Variants in FBN1 observed in about 807,000 individuals in gnomAD.
FBN1 encodes fibrillin-1.
Under a neutral mutation model 365.1 loss-of-function variants are expected in FBN1, and 29 were observed. The observed-to-expected ratio is 0.08, with a 90% CI of 0.06 to 0.11. The LOEUF is 0.11. Among genes scored for constraint, FBN1 ranks in the 10% least tolerant of loss-of-function variants. FBN1 has a pLI of 1.00. For synonymous variants in FBN1, 1,210 were observed against 1,270.5 expected, an observed-to-expected ratio of 0.95 and a Z score of 1.01; for missense variants, 2,476 against 3,703.2, an observed-to-expected ratio of 0.67 and a Z score of 8.60.
intron 8 of FBN1, 100 bp downstream of exon 8, chr15:48,533,976 AAGAC>A (rs2043992703): frequency 2.1e-5 from 32 of 1,490,960 alleles, no homozygotes; most frequent in African/African-American, 2.8e-5. Context: ...AGGGATGACA[AAGAC>A]AGAAGGATTT....
At chr15:48,549,666 A>G (rs2044125653) in intron 6 of FBN1, among the ~76,000 whole-genome samples, 1 of 152,200 alleles carries the variant, frequency 6.6e-6, no homozygotes, top group Non-Finnish European at 1.5e-5. Context: ...CAAATTCTTA[A>G]AAGTGTCCAT....
At chr15:48,421,342 G>C (rs1002148359) in intron 62 of FBN1, among the ~76,000 whole-genome samples, 4 of 150,462 alleles carry the variant, frequency 2.7e-5, no homozygotes, top group African/African-American at 9.8e-5. Context: ...AAAAAGTCTT[G>C]ATATACTTAG....
chr15:48,434,832 T>G, intron 53 of FBN1, 119 bp from the exon 54 acceptor site: 1 of 1,241,566 alleles, frequency 8.1e-7, no homozygotes, highest in Non-Finnish European at 1.1e-6. Context: ...GAGTCTCACT[T>G]TGACATCCAG....
chr15:48,553,046 C>T (rs539949312), intron 6 of FBN1, among the ~76,000 whole-genome samples: 1 of 152,282 alleles, frequency 6.6e-6, no homozygotes, highest in African/African-American at 2.4e-5. Flanking sequence ...CCAATTAAAT[C>T]AAATAAATGG....
chr15:48,420,574 TA>T, intron 63 of FBN1, 112 bp downstream of exon 63: 2 of 1,429,402 alleles, frequency 1.4e-6, no homozygotes, highest in Admixed American at 3.4e-5. Context: ...AGGGCAATTT[TA>T]AATGAGTATT....
rs1259680491 is a variant in FBN1 at position 48,408,836 on chromosome 15, GTTGT to G, written c.*2150_*2153del. On this transcript the variant is annotated 3_prime_UTR_variant, in exon 66 of 66. Coordinates refer to ENST00000316623, the MANE Select transcript of FBN1 (RefSeq NM_000138.5). ...CTGTGTGCCAACTCCATTTTCCCCT[GTTGT>G]TTGTTATAAAGAAAATCCGTTATTG... is the stretch of plus-strand genomic sequence containing the variant. 5 of 152,556 alleles carry G rather than the reference GTTGT, an allele frequency of 3.3e-5. No individual in the cohort carries two copies. The highest frequency in any genetic ancestry group is 2.4e-5 in the African/African-American group (1 of 41,434). The allele number at this position is 152,556 out of a possible 1,614,324, so 9.5% of individuals were successfully genotyped here. A position where few individuals can be genotyped will look rare whatever the true frequency, so the allele number is the denominator to read the frequency against.
rs2141260386 is a variant in FBN1, at chr15:48,456,699, C to T, written c.5360G>A (p.Gly1787Asp). The T allele has an allele frequency of 6.2e-7, 1 of 1,613,890 alleles. No homozygotes were observed. ...CACTGGACATTCACATCGGAAGCTG[C>T]CAACCATGTTGATACACACTCCATT... ...CENGVCINMV[G>D]SFRCECPVGF... Residue 1787 changes from glycine to aspartate, a missense_variant, in exon 44 of 66, where the codon GGC becomes GAC. Around this residue, in one of 5 missense-constraint regions of FBN1, gnomAD observed 1,780 missense variants for 2,840.8 expected, o/e 0.63. Coordinates refer to ENST00000316623, the MANE Select transcript of FBN1 (RefSeq NM_000138.5).
intron 18 of FBN1, 110 bp from the exon 19 acceptor site, chr15:48,497,501 G>GA (rs1303428168): frequency 1.4e-5 from 14 of 1,005,178 alleles, no homozygotes; most frequent in Admixed American, 6.3e-5. Context: ...GCTACAGGAG[G>GA]AAAAAAATCG....
At chr15:48,431,807 A>T (rs1330244062) in intron 55 of FBN1, among the ~76,000 whole-genome samples, 1 of 152,018 alleles carries the variant, frequency 6.6e-6, no homozygotes, top group African/African-American at 2.4e-5. Context: ...AGAATGCGCC[A>T]TCACGCCAGC....
intron 53 of FBN1, among the ~76,000 whole-genome samples, chr15:48,435,772 A>ATGTGTGTGTGTGTGTG (rs374043226): frequency 9.4e-6 from 1 of 106,346 alleles, no homozygotes; most frequent in Non-Finnish European, 1.8e-5. Flanking sequence ...ATATGTGTAT[A>ATGTGTGTGTGTGTGTG]TGTGTGTGTG....
chr15:48,422,367 C>A (rs2042950808), intron 60 of FBN1, among the ~76,000 whole-genome samples: 1 of 152,152 alleles, frequency 6.6e-6, no homozygotes, highest in African/African-American at 2.4e-5. Flanking sequence ...TCAAATAAAT[C>A]ATGACATTTT....
At chr15:48,539,353 A>G (rs1361090838) in intron 6 of FBN1, among the ~76,000 whole-genome samples, 1 of 152,198 alleles carries the variant, frequency 6.6e-6, no homozygotes, top group African/African-American at 2.4e-5. Flanking sequence ...AAAGAAGACT[A>G]CCATATCCAA....
intron 8 of FBN1, among the ~76,000 whole-genome samples, chr15:48,533,294 C>G (rs970866082): frequency 5.3e-5 from 8 of 152,170 alleles, no homozygotes; most frequent in Admixed American, 4.6e-4. Flanking sequence ...CCTGAGAATG[C>G]TGTTACACTA....
At chr15:48,588,356 T>C (rs182348531) in intron 6 of FBN1, among the ~76,000 whole-genome samples, 676 of 152,362 alleles carry the variant, frequency 4.4e-3, no homozygotes, top group South Asian at 0.01. Flanking sequence ...TAAAATTATA[T>C]ATGTGGCTCA....
rs1029839086 is a variant in FBN1 at position 48,409,413 on chromosome 15, C to T, written c.*1577G>A. Reference sequence around the variant, plus strand: ...CCTGTGTCCTACCTAGTTTCTCCGCCCACCACCTTCATGCCATCTTATTTC... The same window carrying T: ...CCTGTGTCCTACCTAGTTTCTCCGCTCACCACCTTCATGCCATCTTATTTC... On this transcript the variant is annotated 3_prime_UTR_variant, in exon 66 of 66. Transcript: ENST00000316623. 6.6e-6 allele frequency: 1 copy of T among 152,170 alleles called. No individual in the cohort carries two copies. The highest frequency in any genetic ancestry group is 2.4e-5 in the African/African-American group (1 of 41,440). 9.4% of individuals were successfully genotyped at this position (152,170 alleles called of 1,614,324 possible). A position where few individuals can be genotyped will look rare whatever the true frequency, so the allele number is the denominator to read the frequency against.
At chr15:48,432,221 C>T (rs2043027970) in intron 55 of FBN1, among the ~76,000 whole-genome samples, 1 of 152,070 alleles carries the variant, frequency 6.6e-6, no homozygotes, top group Non-Finnish European at 1.5e-5. Context: ...TAGGAAATTT[C>T]CCCACCCTTA....
At chr15:48,635,634 G>A (rs1199375438) in intron 2 of FBN1, among the ~76,000 whole-genome samples, 1 of 152,110 alleles carries the variant, frequency 6.6e-6, no homozygotes, top group East Asian at 1.9e-4. Flanking sequence ...ACATACCAAA[G>A]TTAATAAATT....
intron 6 of FBN1, among the ~76,000 whole-genome samples, chr15:48,579,892 T>C (rs187756380): frequency 9.2e-5 from 14 of 152,340 alleles, no homozygotes; most frequent in African/African-American, 3.4e-4. Flanking sequence ...CCACTAGTAT[T>C]AACTTCCTGA....
chr15:48,480,423 G>T (rs541259498), intron 32 of FBN1, among the ~76,000 whole-genome samples: 1 of 152,122 alleles, frequency 6.6e-6, no homozygotes, highest in Non-Finnish European at 1.5e-5. Context: ...CCGAGAGGCC[G>T]TATAGGAGTT....
Sources: gnomAD v4.1 joint callset for allele counts (sites outside exome capture counted in the v4.1 genomes callset) on GRCh38, gnomAD v4.1.1 for gene constraint, gnomAD v4.1.1 regional missense constraint, MANE v1.5 for transcripts, NCBI Gene and HGNC (gene_info 2026-07-23, HGNC 2026-07-21) for gene names.